The following LYPD6B variants were observed in gnomAD, a reference collection of about 807,000 sequenced individuals.
LYPD6B encodes ly6/PLAUR domain-containing protein 6B.
Under a neutral mutation model 22.8 loss-of-function variants are expected in LYPD6B, and 17 were observed. That is an observed-to-expected ratio of 0.75 (90% CI 0.51 to 1.12). LYPD6B has a LOEUF of 1.12. Among genes scored for constraint, LYPD6B ranks in the 50% most tolerant of loss-of-function variants. LYPD6B has a pLI of 0.00. For synonymous variants in LYPD6B, 106 were observed against 91.6 expected (o/e 1.16, Z -0.90); for missense variants, 221 against 258.3 (o/e 0.86, Z 0.99).
At chr2:149,145,170 T>C (rs1688940909) in intron 2 of LYPD6B, among the ~76,000 whole-genome samples, 1 of 152,196 alleles carries the variant, frequency 6.6e-6, no homozygotes, top group Non-Finnish European at 1.5e-5. Context: ...TGGTGGGTTC[T>C]GACTAGAGCA....
chr2:149,144,517 A>G (rs1688893473), intron 2 of LYPD6B, among the ~76,000 whole-genome samples: 1 of 152,032 alleles, frequency 6.6e-6, no homozygotes, highest in African/African-American at 2.4e-5. Flanking sequence ...TTAGCCTCCC[A>G]AATAGCTGGG....
At chr2:149,192,779 C>T (rs1692577307) in intron 3 of LYPD6B, among the ~76,000 whole-genome samples, 1 of 152,100 alleles carries the variant, frequency 6.6e-6, no homozygotes, top group Non-Finnish European at 1.5e-5. Flanking sequence ...CTGCCCACTG[C>T]CCAAATGCAG....
rs534148106 is a variant in LYPD6B at position 149,092,962 on chromosome 2, G to A, written c.-66-37921G>A. Reference sequence around the variant, plus strand: ...AGACTAATCCACATGTCTTGGATTGGGAGGAGGGAATAGTTGGCATCAGCA... The same window carrying A: ...AGACTAATCCACATGTCTTGGATTGAGAGGAGGGAATAGTTGGCATCAGCA... On this transcript the variant is annotated intron_variant, in intron 1 of 6. Transcript: ENST00000409642. 3.7e-4 allele frequency among the ~76,000 whole-genome samples: 57 copies of A among 152,322 alleles called. 1 individual carries two copies. The South Asian group carries it at 6.8e-3, about 18-fold the overall frequency.
Position 149,193,240 on chromosome 2 carries a change from G to T in LYPD6B, c.78-12013G>T, listed in dbSNP as rs1692606988. On this transcript the variant is annotated intron_variant, in intron 3 of 6. Transcript: ENST00000409642. Reference sequence around the variant, plus strand: ...TCTGCATTCATTAATAATAAAAAAGGAATAAAAAACAGAAGAATCCTTTTT... The same window carrying T: ...TCTGCATTCATTAATAATAAAAAAGTAATAAAAAACAGAAGAATCCTTTTT... Among the ~76,000 whole-genome samples the T allele has an allele frequency of 1.3e-5, 2 of 152,098 alleles. 1 individual carries two copies. The highest frequency in any genetic ancestry group is 4.2e-4 in the South Asian group (2 of 4,816).
At chr2:149,199,596 T>C (rs1415413719) in intron 3 of LYPD6B, among the ~76,000 whole-genome samples, 1 of 152,328 alleles carries the variant, frequency 6.6e-6, no homozygotes, top group East Asian at 1.9e-4. Flanking sequence ...GTAAAGTCTG[T>C]TGTGCTCTAT....
chr2:149,188,351 C>T (rs1692264220), intron 3 of LYPD6B, among the ~76,000 whole-genome samples: 2 of 152,158 alleles, frequency 1.3e-5, no homozygotes, highest in Admixed American at 1.3e-4. Flanking sequence ...CTCTTCTAAA[C>T]TCTCTTGTCA....
chr2:149,128,621 G>A (rs1687841407), intron 1 of LYPD6B, among the ~76,000 whole-genome samples: 1 of 152,202 alleles, frequency 6.6e-6, no homozygotes, highest in African/African-American at 2.4e-5. Context: ...AAGGCACTAA[G>A]CATTTCCTAA....
At chr2:149,175,461 G>A (rs1691225858) in intron 3 of LYPD6B, among the ~76,000 whole-genome samples, 1 of 152,072 alleles carries the variant, frequency 6.6e-6, no homozygotes, top group South Asian at 2.1e-4. Flanking sequence ...GTAAGTGAAT[G>A]TGAAGGCCTG....
chr2:149,046,739 G>A (rs914468838), intron 1 of LYPD6B, among the ~76,000 whole-genome samples: 1 of 151,940 alleles, frequency 6.6e-6, no homozygotes, highest in Non-Finnish European at 1.5e-5. Flanking sequence ...CTTTCAAGTA[G>A]TATTATACTG....
intron 3 of LYPD6B, among the ~76,000 whole-genome samples, chr2:149,200,188 C>T (rs1693063067): frequency 6.6e-6 from 1 of 152,152 alleles, no homozygotes; most frequent in African/African-American, 2.4e-5. Context: ...TGTTGATAGG[C>T]ATGTTGGACT....
intron 2 of LYPD6B, among the ~76,000 whole-genome samples, chr2:149,142,797 C>G (rs1194375105): frequency 6.6e-6 from 1 of 152,198 alleles, no homozygotes; most frequent in African/African-American, 2.4e-5. Flanking sequence ...TGCCACTACG[C>G]CCGGTTTCCT....
chr2:149,109,521 G>A (rs113641075), intron 1 of LYPD6B, among the ~76,000 whole-genome samples: 2 of 151,886 alleles, frequency 1.3e-5, no homozygotes, highest in African/African-American at 4.8e-5. Flanking sequence ...TTGTGCACAA[G>A]GTTCATTTAC....
chr2:149,179,297 C>T (rs147596815), intron 3 of LYPD6B, among the ~76,000 whole-genome samples: 79 of 152,328 alleles, frequency 5.2e-4, no homozygotes, highest in African/African-American at 1.9e-3. Context: ...ACGGCACACA[C>T]AGTGTTTTAA....
intron 5 of LYPD6B, among the ~76,000 whole-genome samples, chr2:149,212,250 C>T (rs1358275896): frequency 4.0e-5 from 6 of 150,542 alleles, no homozygotes; most frequent in Admixed American, 6.6e-5. Context: ...GGCGTGGTGG[C>T]GGGTGCCTGT....
intron 3 of LYPD6B, among the ~76,000 whole-genome samples, chr2:149,202,678 C>T (rs1023803061): frequency 6.6e-6 from 1 of 152,022 alleles, no homozygotes; most frequent in Non-Finnish European, 1.5e-5. Context: ...GGGGAGTCAG[C>T]GATAACAATA....
intron 1 of LYPD6B, among the ~76,000 whole-genome samples, chr2:149,056,394 C>G (rs1185388489): frequency 6.6e-6 from 1 of 152,088 alleles, no homozygotes; most frequent in Non-Finnish European, 1.5e-5. Context: ...TAAAGAGTAA[C>G]CACTGTCAGA....
intron 1 of LYPD6B, among the ~76,000 whole-genome samples, chr2:149,111,051 G>C (rs1686733697): frequency 6.6e-6 from 1 of 152,172 alleles, no homozygotes; most frequent in Non-Finnish European, 1.5e-5. Context: ...AATAGGAGGA[G>C]AGCATGGTCT....
chr2:149,081,424 T>G (rs1323515886), intron 1 of LYPD6B, among the ~76,000 whole-genome samples: 1 of 152,236 alleles, frequency 6.6e-6, no homozygotes, highest in East Asian at 1.9e-4. Flanking sequence ...TTTCATATTT[T>G]GAATTAAACT....
intron 1 of LYPD6B, among the ~76,000 whole-genome samples, chr2:149,050,110 G>A (rs566338276): frequency 6.6e-6 from 1 of 152,164 alleles, no homozygotes; most frequent in Non-Finnish European, 1.5e-5. Context: ...TAGTTTGTAT[G>A]TTGCTCTGGA....
Sources: gnomAD v4.1 joint callset for allele counts (sites outside exome capture counted in the v4.1 genomes callset) on GRCh38, gnomAD v4.1.1 for gene constraint, MANE v1.5 for transcripts, NCBI Gene and HGNC (gene_info 2026-07-23, HGNC 2026-07-21) for gene names.